Variants in TENM3 observed in about 807,000 individuals in gnomAD.
The protein encoded by TENM3 is teneurin-3.
TENM3 carries 63 observed loss-of-function variants against 255.1 expected under a neutral mutation model. That is an observed-to-expected ratio of 0.25 (90% CI 0.20 to 0.30). TENM3 has a LOEUF of 0.30. Ranked by LOEUF, TENM3 falls within the 10% of genes least tolerant of loss-of-function variation. The pLI is 1.00. For missense variants in TENM3, 2,929 were observed against 3,461.1 expected (o/e 0.85, Z 3.86); for synonymous variants, 1,306 against 1,322.3 (o/e 0.99, Z 0.27).
chr4:182,466,286 C>T (rs1333484083), intron 3 of TENM3, among the ~76,000 whole-genome samples: 1 of 152,130 alleles, frequency 6.6e-6, no homozygotes, highest in Non-Finnish European at 1.5e-5. Flanking sequence ...TTGACACAGC[C>T]ATGCTTCCTC....
At chr4:182,217,017 T>C (rs979774132) in intron 1 of TENM3, among the ~76,000 whole-genome samples, 5,987 of 103,478 alleles carry the variant, frequency 0.058, 230 homozygotes, top group Non-Finnish European at 0.08. Context: ...TTCTTTTTTT[T>C]TTTTTTTTTT....
At chr4:182,412,106 G>A (rs1477739925) in intron 3 of TENM3, among the ~76,000 whole-genome samples, 1 of 152,192 alleles carries the variant, frequency 6.6e-6, no homozygotes, top group Non-Finnish European at 1.5e-5. Flanking sequence ...AAAGTCCAGA[G>A]AGGAAGTTGG....
the TENM3 span, among the ~76,000 whole-genome samples, chr4:181,629,753 G>T: frequency 6.6e-6 from 1 of 152,098 alleles, no homozygotes; most frequent in South Asian, 2.1e-4. Flanking sequence ...TTTTATTGAG[G>T]ATTTTTGCAT....
At chr4:182,505,606 G>A (rs1409057209) in intron 3 of TENM3, among the ~76,000 whole-genome samples, 1 of 151,958 alleles carries the variant, frequency 6.6e-6, no homozygotes, top group Non-Finnish European at 1.5e-5. Flanking sequence ...AGCCTCCCGA[G>A]TAGCTGGGAT....
chr4:182,245,815 T>C (rs1187119585), intron 1 of TENM3, among the ~76,000 whole-genome samples: 4 of 152,234 alleles, frequency 2.6e-5, no homozygotes, highest in African/African-American at 9.6e-5. Context: ...TTCTTAACTT[T>C]TCCGTTGATG....
chr4:182,174,203 G>T (rs62352050), intron 1 of TENM3, among the ~76,000 whole-genome samples: 18,660 of 151,788 alleles, frequency 0.12, 1,406 homozygotes, highest in South Asian at 0.21. Flanking sequence ...AATACATTTG[G>T]ATACTAAGGG....
In TENM3 at chr4:182,675,410, G is replaced by A. The variant is rs183429647; in HGVS notation, c.1326+2191G>A. ...TACAAAATTAGCCGAACGTGGTAGC[G>A]CACACCTGTAATCCCAGCTACTCAG... On this transcript the variant is annotated intron_variant, in intron 7 of 27. Coordinates refer to ENST00000511685, the MANE Select transcript of TENM3 (RefSeq NM_001080477.4). Among the ~76,000 whole-genome samples, 593 of 151,952 alleles carry A rather than the reference G, an allele frequency of 3.9e-3. 7 individuals are homozygous for A. Among genetic ancestry groups the A allele is most frequent in the African/African-American group, 0.014 (562 of 41,476 alleles).
intron 3 of TENM3, among the ~76,000 whole-genome samples, chr4:182,581,837 A>T (rs1414517947): frequency 1.3e-5 from 2 of 152,180 alleles, no homozygotes; most frequent in African/African-American, 4.8e-5. Flanking sequence ...CTATAAGGCC[A>T]AGAAGAAAAG....
chr4:182,006,143 C>A, the TENM3 span, among the ~76,000 whole-genome samples: 1 of 152,084 alleles, frequency 6.6e-6, no homozygotes, highest in South Asian at 2.1e-4. Context: ...TGTCTTGTAC[C>A]GGTTTTCAAA....
At chr4:181,921,534 T>C in the TENM3 span, among the ~76,000 whole-genome samples, 1 of 152,182 alleles carries the variant, frequency 6.6e-6, no homozygotes, top group Non-Finnish European at 1.5e-5. Flanking sequence ...GGCTCTCTGT[T>C]TGTCTGTTAT....
chr4:181,914,686 AG>A, the TENM3 span, among the ~76,000 whole-genome samples: 2 of 152,186 alleles, frequency 1.3e-5, no homozygotes, highest in East Asian at 1.9e-4. Flanking sequence ...TCAAGGGAAA[AG>A]ATGGCTAACG....
At chr4:181,900,386 A>G in the TENM3 span, among the ~76,000 whole-genome samples, 3 of 152,320 alleles carry the variant, frequency 2.0e-5, no homozygotes, top group East Asian at 3.9e-4. Context: ...TTGGCTCAAG[A>G]TGTATTAAAA....
chr4:182,038,794 C>A, the TENM3 span, among the ~76,000 whole-genome samples: 2 of 152,198 alleles, frequency 1.3e-5, no homozygotes, highest in African/African-American at 4.8e-5. Context: ...AATGCAGTGG[C>A]GCAATCTTGA....
chr4:182,177,047 G>A (rs1752538436), intron 1 of TENM3, among the ~76,000 whole-genome samples: 1 of 151,866 alleles, frequency 6.6e-6, no homozygotes, highest in Non-Finnish European at 1.5e-5. Context: ...GATAGTGGAA[G>A]CTACTTTGAG....
the TENM3 span, among the ~76,000 whole-genome samples, chr4:181,758,190 A>C: frequency 6.6e-6 from 1 of 152,164 alleles, no homozygotes; most frequent in Admixed American, 6.5e-5. Context: ...CTTAGTGAGA[A>C]TCTGTTGCAT....
intron 16 of TENM3, among the ~76,000 whole-genome samples, chr4:182,731,560 G>C (rs1219541414): frequency 1.3e-5 from 2 of 151,706 alleles, no homozygotes; most frequent in Non-Finnish European, 2.9e-5. Context: ...TAGAATTCCA[G>C]TGCTATCTTT....
intron 27 of TENM3, among the ~76,000 whole-genome samples, chr4:182,798,192 A>C (rs930780415): frequency 6.6e-6 from 1 of 152,048 alleles, no homozygotes; most frequent in Non-Finnish European, 1.5e-5. Context: ...TTTTTTGTAG[A>C]GATAAGAGTC....
intron 3 of TENM3, among the ~76,000 whole-genome samples, chr4:182,441,712 G>T (rs1772502638): frequency 6.6e-6 from 1 of 152,150 alleles, no homozygotes; most frequent in African/African-American, 2.4e-5. Context: ...TGGCCAGGCT[G>T]GTCTTGAACT....
chr4:182,175,611 G>C (rs1014680733), intron 1 of TENM3, among the ~76,000 whole-genome samples: 1 of 152,142 alleles, frequency 6.6e-6, no homozygotes, highest in East Asian at 1.9e-4. Flanking sequence ...GGTTTTGACT[G>C]TCTTATTGTC....
Sources: allele counts gnomAD v4.1 joint callset (sites outside exome capture counted in the v4.1 genomes callset), GRCh38; gene constraint gnomAD v4.1.1; transcripts MANE v1.5; gene names NCBI Gene and HGNC (gene_info 2026-07-23, HGNC 2026-07-21).